The following TJP1 variants were observed in gnomAD, a reference collection of about 807,000 sequenced individuals.
TJP1 encodes tight junction protein 1.
A neutral mutation model predicts 194.2 loss-of-function variants in TJP1; 43 were observed. The ratio of observed to expected loss-of-function variants is 0.22; its 90% CI spans 0.17 to 0.29. TJP1 has a LOEUF of 0.29. Ranked by LOEUF, TJP1 falls within the 10% of genes least tolerant of loss-of-function variation. The probability of loss-of-function intolerance (pLI) is 1.00; values close to 1 mark genes in which losing one functional copy is unlikely to be tolerated. For missense variants in TJP1, 1,971 were observed against 2,185.7 expected, an observed-to-expected ratio of 0.90 and a Z score of 1.96; for synonymous variants, 801 against 779.0, an observed-to-expected ratio of 1.03 and a Z score of -0.47.
At chr15:29,857,358 T>A (rs1198061404) in intron 2 of TJP1, among the ~76,000 whole-genome samples, 14 of 150,854 alleles carry the variant, frequency 9.3e-5, no homozygotes, top group Admixed American at 2.0e-4. Context: ...AAAAAAAAAA[T>A]GCAGCTCGCT....
chr15:29,787,294 A>C lies in TJP1; in HGVS notation c.84+13352T>G, dbSNP rs1427004225. Among the ~76,000 whole-genome samples the C allele has an allele frequency of 2.0e-5, 3 of 152,292 alleles. No homozygotes were observed. The East Asian group carries it at 5.8e-4, about 29-fold the overall frequency. ...CTACCTCACAACATCTACAAAAATT[A>C]AGTTTAAAGAACCATAGGTCTAAGT... On this transcript the variant is annotated intron_variant, in intron 2 of 27. Coordinates refer to ENST00000614355, the MANE Select transcript of TJP1 (RefSeq NM_001330239.4).
chr15:29,849,891 TAACA>T (rs2051575379), intron 2 of TJP1, among the ~76,000 whole-genome samples: 1 of 152,136 alleles, frequency 6.6e-6, no homozygotes, highest in African/African-American at 2.4e-5. Context: ...GACTCACTTC[TAACA>T]AACAGAATAA....
chr15:29,762,242 G>C, intron 6 of TJP1, 93 bp downstream of exon 6: 1 of 1,029,076 alleles, frequency 9.7e-7, no homozygotes, highest in Middle Eastern at 2.6e-4. Context: ...ATTCTCTTTG[G>C]CAAAACTGCT....
intron 1 of TJP1, among the ~76,000 whole-genome samples, chr15:29,964,698 C>T (rs1596335926): frequency 1.3e-5 from 2 of 152,220 alleles, no homozygotes; most frequent in Non-Finnish European, 2.9e-5. Context: ...TTCTTTTCAT[C>T]GCTGGCAATT....
chr15:29,755,787 T>TTA (rs2045605819), intron 8 of TJP1, among the ~76,000 whole-genome samples: 1 of 152,120 alleles, frequency 6.6e-6, no homozygotes, highest in Non-Finnish European at 1.5e-5. Context: ...AGGGAATGAG[T>TTA]GTAACAAATG....
At chr15:29,812,082 T>G (rs1002508310) in intron 1 of TJP1, among the ~76,000 whole-genome samples, 1 of 152,180 alleles carries the variant, frequency 6.6e-6, no homozygotes, top group Non-Finnish European at 1.5e-5. Flanking sequence ...ATTTTTACAT[T>G]TGCATTTTGT....
chr15:29,726,717 T>A, intron 17 of TJP1, 64 bp downstream of exon 17: 1 of 1,457,500 alleles, frequency 6.9e-7, no homozygotes, highest in East Asian at 2.3e-5. Flanking sequence ...ACCGTAACAT[T>A]TTGGCCTACT....
intron 2 of TJP1, among the ~76,000 whole-genome samples, chr15:29,790,302 A>G (rs1185396991): frequency 6.6e-6 from 1 of 152,248 alleles, no homozygotes; most frequent in Non-Finnish European, 1.5e-5. Context: ...ACCATTCTGT[A>G]GCCTCAGAGA....
At chr15:29,834,704 A>G (rs2152054331) in intron 2 of TJP1, among the ~76,000 whole-genome samples, 2 of 152,324 alleles carry the variant, frequency 1.3e-5, no homozygotes, top group African/African-American at 2.4e-5. Flanking sequence ...CAGCTTCATT[A>G]TTTGTGAAAC....
chr15:29,878,753 G>A (rs1182331459), intron 2 of TJP1, among the ~76,000 whole-genome samples: 2 of 152,118 alleles, frequency 1.3e-5, no homozygotes, highest in African/African-American at 4.8e-5. Flanking sequence ...ATTCTTCCTG[G>A]ACTGTCAGGG....
intron 11 of TJP1, among the ~76,000 whole-genome samples, chr15:29,735,183 T>C (rs1263528638): frequency 6.6e-6 from 1 of 151,554 alleles, no homozygotes; most frequent in East Asian, 1.9e-4. Flanking sequence ...TTTTCTTCTT[T>C]CCACCTTTTG....
intron 27 of TJP1, 116 bp downstream of exon 27, chr15:29,704,046 G>T: frequency 8.9e-7 from 1 of 1,127,346 alleles, no homozygotes. Context: ...TGCCTACAAG[G>T]CCACAGGAAC....
chr15:29,755,985 A>ACTG (rs1158746301), intron 8 of TJP1, among the ~76,000 whole-genome samples: 2 of 152,120 alleles, frequency 1.3e-5, no homozygotes, highest in Non-Finnish European at 2.9e-5. Flanking sequence ...TCCCTCTAAC[A>ACTG]TACAATGTTA....
intron 2 of TJP1, among the ~76,000 whole-genome samples, chr15:29,924,501 TAG>T (rs1567201068): frequency 1.3e-5 from 2 of 152,224 alleles, no homozygotes; most frequent in Non-Finnish European, 1.5e-5. Flanking sequence ...ATATGAACTA[TAG>T]AGTGTTCATG....
At chr15:29,775,507 G>A (rs1016564382) in intron 2 of TJP1, among the ~76,000 whole-genome samples, 1 of 152,114 alleles carries the variant, frequency 6.6e-6, no homozygotes, top group Non-Finnish European at 1.5e-5. Flanking sequence ...TTAAACTTGT[G>A]AGTGGAAGAC....
chr15:29,953,377 G>T (rs2055826711), intron 2 of TJP1, among the ~76,000 whole-genome samples: 2 of 151,902 alleles, frequency 1.3e-5, no homozygotes, highest in Non-Finnish European at 2.9e-5. Context: ...CCTGACCTCA[G>T]GTGATCCACC....
At chr15:29,840,158 G>A (rs570059392) in intron 2 of TJP1, among the ~76,000 whole-genome samples, 8 of 152,222 alleles carry the variant, frequency 5.3e-5, no homozygotes, top group South Asian at 4.1e-4. Context: ...TTGAATATGC[G>A]ATTTGCGAAT....
intron 2 of TJP1, among the ~76,000 whole-genome samples, chr15:29,864,675 C>A (rs1341396032): frequency 1.3e-5 from 2 of 151,918 alleles, no homozygotes; most frequent in Non-Finnish European, 2.9e-5. Flanking sequence ...ATTTCTGGAT[C>A]TTTTTTGTGG....
intron 2 of TJP1, among the ~76,000 whole-genome samples, chr15:29,941,627 C>T (rs953081628): frequency 2.1e-4 from 32 of 152,264 alleles, no homozygotes; most frequent in Non-Finnish European, 2.9e-5. Flanking sequence ...CATATGAGTC[C>T]TTCCAGATCC....
Sources: allele counts gnomAD v4.1 joint callset (sites outside exome capture counted in the v4.1 genomes callset), GRCh38; gene constraint gnomAD v4.1.1; transcripts MANE v1.5; gene names NCBI Gene and HGNC (gene_info 2026-07-23, HGNC 2026-07-21).